The following CTTNBP2NL variants were observed in gnomAD, a reference collection of about 807,000 sequenced individuals.
CTTNBP2NL encodes the protein CTTNBP2 N-terminal like, also known as CTTNBP2 N-terminal-like protein.
CTTNBP2NL carries 16 observed loss-of-function variants against 32.5 expected under a neutral mutation model. That is an observed-to-expected ratio of 0.49 (90% CI 0.33 to 0.75). CTTNBP2NL has a LOEUF of 0.75. Among genes scored for constraint, CTTNBP2NL ranks in the 30% least tolerant of loss-of-function variants. The pLI is 0.02. For synonymous variants in CTTNBP2NL, 298 were observed against 289.4 expected (o/e 1.03, Z -0.30); for missense variants, 645 against 756.0 (o/e 0.85, Z 1.72).
At position 112,408,440 on chromosome 1, in the gene CTTNBP2NL, A is replaced by G. The variant is rs539632346; in HGVS notation, c.-133-3754A>G. Among the ~76,000 whole-genome samples the G allele has an allele frequency of 3.9e-4, 59 of 151,908 alleles. 1 individual carries two copies. In the Middle Eastern group the frequency reaches 0.017, roughly 44 times the overall value. On this transcript the variant is annotated intron_variant, in intron 1 of 5. Coordinates refer to ENST00000271277, the MANE Select transcript of CTTNBP2NL (RefSeq NM_018704.3). ...GAAAGGGACCATTTAGAATGTTGTC[A>G]CTCTTTTATCCCAAATGAATAAATA...
intron 3 of CTTNBP2NL, among the ~76,000 whole-genome samples, chr1:112,448,730 CTAA>C: frequency 6.6e-6 from 1 of 152,166 alleles, no homozygotes; most frequent in East Asian, 1.9e-4. Flanking sequence ...AAAACAATGT[CTAA>C]TACATAGTGC....
In CTTNBP2NL at chr1:112,412,181, C is replaced by T. The variant is rs1292824370; in HGVS notation, c.-133-13C>T. On this transcript the variant is annotated splice_polypyrimidine_tract_variant and intron_variant, in intron 1 of 5. Coordinates refer to ENST00000271277, the MANE Select transcript of CTTNBP2NL (RefSeq NM_018704.3). ...ATAATCACATGAACAATAAATTTCT[C>T]CTTATTTTGCAGCATTGGACACATT... The T allele has an allele frequency of 2.0e-5, 3 of 152,322 alleles. No individual in the cohort carries two copies. Among genetic ancestry groups the T allele is most frequent in the South Asian group, 2.1e-4 (1 of 4,830 alleles). The allele number at this position is 152,322 out of a possible 1,614,324, so 9.4% of individuals were successfully genotyped here.
At chr1:112,414,386 G>A (rs1648996332) in intron 2 of CTTNBP2NL, among the ~76,000 whole-genome samples, 1 of 152,116 alleles carries the variant, frequency 6.6e-6, no homozygotes, top group East Asian at 1.9e-4. Context: ...TTAGCAGTTA[G>A]AGCTGAGGTT....
rs150581101 is a variant in CTTNBP2NL, at chr1:112,421,431, G to T, written c.99+5167G>T. 3.2e-3 allele frequency among the ~76,000 whole-genome samples: 479 copies of T among 150,056 alleles called. 2 individuals carry two copies. Among genetic ancestry groups the T allele is most frequent in the African/African-American group, 0.011 (460 of 40,870 alleles). On this transcript the variant is annotated intron_variant, in intron 3 of 5. Transcript: ENST00000271277. ...TTCTCCTGCCTCAGCCTCCCAAGTA[G>T]CTGGGACTGCAGGTGTGCGCCACCA...
chr1:112,399,325 A>G (rs1033538829), intron 1 of CTTNBP2NL, among the ~76,000 whole-genome samples: 2 of 151,606 alleles, frequency 1.3e-5, no homozygotes, highest in Non-Finnish European at 2.9e-5. Context: ...TCTCAAAAAA[A>G]AAAAAAAAAA....
chr1:112,457,418 A>G lies in CTTNBP2NL; in HGVS notation c.*6A>G. Reference sequence around the variant, plus strand: ...TTTTGCCTACCAGCAGCTAGTCCCTAGGAGGGAGTCTCCACGTTTGACATT... The same window carrying G: ...TTTTGCCTACCAGCAGCTAGTCCCTGGGAGGGAGTCTCCACGTTTGACATT... On this transcript the variant is annotated 3_prime_UTR_variant, in exon 6 of 6. Coordinates refer to ENST00000271277, the MANE Select transcript of CTTNBP2NL (RefSeq NM_018704.3). 1 of 1,596,420 alleles carries G rather than the reference A, an allele frequency of 6.3e-7. No homozygotes were observed. The highest frequency in any genetic ancestry group is 1.7e-4 in the Middle Eastern group (1 of 5,958).
intron 3 of CTTNBP2NL, among the ~76,000 whole-genome samples, chr1:112,417,362 T>C (rs979592227): frequency 6.6e-6 from 1 of 152,244 alleles, no homozygotes; most frequent in African/African-American, 2.4e-5. Flanking sequence ...AAGTGGATGT[T>C]GTGAATTACT....
chr1:112,402,872 G>T (rs569953945), intron 1 of CTTNBP2NL, among the ~76,000 whole-genome samples: 1 of 151,968 alleles, frequency 6.6e-6, no homozygotes. Flanking sequence ...CTCTTAACAC[G>T]TTCCTCTTGG....
At position 112,456,508 on chromosome 1, in the gene CTTNBP2NL, C is replaced by T. The variant is rs1368214272; in HGVS notation, c.1016C>T (p.Ala339Val). The T allele has an allele frequency of 6.2e-7, 1 of 1,614,138 alleles. No individual in the cohort carries two copies. The part of the protein sequence containing the change: ...KMTNTGLPGP[A>V]TPAYSYAKTN... The stretch of plus-strand genomic sequence containing the variant: ...ACAAACACTGGGCTGCCTGGTCCTG[C>T]CACTCCTGCTTACTCATATGCAAAA... The change falls in exon 6 of 6, where the codon GCC becomes GTC. Residue 339 changes from alanine to valine, a missense_variant. Physicochemically the swap from Ala to Val is moderately conservative, Grantham distance 64 (BLOSUM62 0). Transcript: ENST00000271277.
At chr1:112,402,154 C>T (rs1167543905) in intron 1 of CTTNBP2NL, among the ~76,000 whole-genome samples, 3 of 151,964 alleles carry the variant, frequency 2.0e-5, no homozygotes, top group Non-Finnish European at 4.4e-5. Context: ...CATGGTGACT[C>T]ACGCCTGTAA....
intron 3 of CTTNBP2NL, among the ~76,000 whole-genome samples, chr1:112,429,855 C>T (rs1033739605): frequency 1.3e-5 from 2 of 152,152 alleles, no homozygotes; most frequent in African/African-American, 4.8e-5. Context: ...TATTAAGTTG[C>T]CACTGGTGAA....
intron 3 of CTTNBP2NL, among the ~76,000 whole-genome samples, chr1:112,423,822 C>G (rs1428863881): frequency 6.6e-6 from 1 of 152,196 alleles, no homozygotes; most frequent in Non-Finnish European, 1.5e-5. Flanking sequence ...CTCCCGGATT[C>G]AAGTGATTCT....
At chr1:112,412,145 T>C (rs549449336) in intron 1 of CTTNBP2NL, 49 bp from the exon 2 acceptor site, 1 of 152,358 alleles carries the variant, frequency 6.6e-6, no homozygotes, top group African/African-American at 2.4e-5. Flanking sequence ...ATTTACCAAG[T>C]TGTTTATAGT....
intron 3 of CTTNBP2NL, among the ~76,000 whole-genome samples, chr1:112,420,670 T>C (rs1649201892): frequency 6.6e-6 from 1 of 151,724 alleles, no homozygotes; most frequent in Non-Finnish European, 1.5e-5. Flanking sequence ...GGTTTTGCCA[T>C]GTTACCCAGG....
upstream of CTTNBP2NL, chr1:112,396,093 G>A (rs1648314855): frequency 6.6e-6 from 1 of 152,260 alleles, no homozygotes; most frequent in Admixed American, 6.5e-5. Flanking sequence ...GAGCCTGAAT[G>A]ACTTTGGAGA....
chr1:112,425,203 G>C (rs137992854), intron 3 of CTTNBP2NL, among the ~76,000 whole-genome samples: 2,066 of 152,140 alleles, frequency 0.014, 44 homozygotes, highest in African/African-American at 0.047. Context: ...AGGTGCGGTG[G>C]CTTACACCTG....
intron 3 of CTTNBP2NL, among the ~76,000 whole-genome samples, chr1:112,442,511 T>G (rs976895515): frequency 6.6e-6 from 1 of 152,202 alleles, no homozygotes; most frequent in Non-Finnish European, 1.5e-5. Flanking sequence ...CCTCAAAAAG[T>G]TATTCTTGTG....
In CTTNBP2NL at chr1:112,456,364, A is replaced by T; in HGVS notation, c.872A>T (p.Lys291Met). The T allele has an allele frequency of 6.2e-7, 1 of 1,614,066 alleles. No homozygotes were observed. The highest frequency in any genetic ancestry group is 8.5e-7 in the Non-Finnish European group (1 of 1,180,036). ...CACAGTAGCCCTAATGAGCAATTGA[A>T]GAAACCAGTAACCGTGTCCAAAGGC... ...HQHSSPNEQLKKPVTVSKGTA... is the reference protein window; with the variant it reads ...HQHSSPNEQLMKPVTVSKGTA... Residue 291 changes from lysine to methionine, a missense_variant, in exon 6 of 6, where the codon AAG becomes ATG. Coordinates refer to ENST00000271277, the MANE Select transcript of CTTNBP2NL (RefSeq NM_018704.3).
At chr1:112,393,260 A>G (rs1220011676), upstream of CTTNBP2NL, among the ~76,000 whole-genome samples, 1 of 152,210 alleles carries the variant, frequency 6.6e-6, no homozygotes, top group East Asian at 1.9e-4. Context: ...TGACAGAATA[A>G]GAACTAGACT....
Sources: allele counts gnomAD v4.1 joint callset (sites outside exome capture counted in the v4.1 genomes callset), GRCh38; gene constraint gnomAD v4.1.1; transcripts MANE v1.5; gene names NCBI Gene and HGNC (gene_info 2026-07-23, HGNC 2026-07-21).